Variants in TRIQK observed in about 807,000 individuals in gnomAD.
TRIQK encodes triple QxxK/R motif-containing protein.
In TRIQK, 10 loss-of-function variants were observed where a neutral mutation model predicts 10.8. The ratio of observed to expected loss-of-function variants is 0.92; its 90% CI spans 0.57 to 1.57. The LOEUF is 1.57. Ranked by LOEUF, TRIQK falls within the 40% of genes most tolerant of loss-of-function variation. The pLI, the probability that TRIQK is intolerant of heterozygous loss-of-function variation, is 0.00. For missense variants in TRIQK, 107 were observed against 97.7 expected, an observed-to-expected ratio of 1.09 and a Z score of -0.40; for synonymous variants, 33 against 33.7, an observed-to-expected ratio of 0.98 and a Z score of 0.07.
chr8:92,949,588 G>A (rs865864502), intron 2 of TRIQK, among the ~76,000 whole-genome samples: 20 of 146,778 alleles, frequency 1.4e-4, no homozygotes, highest in Middle Eastern at 3.6e-3. Context: ...GAAAGAGATG[G>A]AAAGAAAGAA....
At chr8:92,925,223 C>T (rs1486366735) in intron 2 of TRIQK, among the ~76,000 whole-genome samples, 1 of 152,074 alleles carries the variant, frequency 6.6e-6, no homozygotes, top group African/African-American at 2.4e-5. Context: ...TATTTAACCC[C>T]TATCTCATAT....
intron 1 of TRIQK, among the ~76,000 whole-genome samples, chr8:93,009,145 A>G (rs1174139179): frequency 6.6e-6 from 1 of 152,248 alleles, no homozygotes; most frequent in Non-Finnish European, 1.5e-5. Flanking sequence ...AAAATAACAA[A>G]TAATCTAATT....
chr8:92,981,532 A>G (rs1033728611), intron 1 of TRIQK, among the ~76,000 whole-genome samples: 3 of 151,648 alleles, frequency 2.0e-5, no homozygotes, highest in Non-Finnish European at 3.0e-5. Context: ...CACCTTATGT[A>G]TTTTGTAACT....
At chr8:93,002,455 C>T (rs1325196354) in intron 1 of TRIQK, among the ~76,000 whole-genome samples, 3 of 151,834 alleles carry the variant, frequency 2.0e-5, no homozygotes, top group Non-Finnish European at 4.4e-5. Context: ...TATGAAGGAT[C>T]GTAAGAGTCT....
In TRIQK at chr8:93,013,167, G is replaced by C. The variant is rs559380171; in HGVS notation, c.-181+4442C>G. ...TCGCTCAATGGTGATTAGACGAGAC[G>C]GCAATGCACAGTCTCCTAAATATTC... On this transcript the variant is annotated intron_variant, in intron 1 of 4. Coordinates refer to the TRIQK transcript ENST00000520686. Among the ~76,000 whole-genome samples the C allele has an allele frequency of 1.2e-3, 180 of 152,198 alleles. 1 individual carries two copies. Among genetic ancestry groups the C allele is most frequent in the African/African-American group, 4.2e-3 (176 of 41,526 alleles).
chr8:92,991,816 C>CA (rs570227996), intron 1 of TRIQK, among the ~76,000 whole-genome samples: 73 of 152,228 alleles, frequency 4.8e-4, no homozygotes, highest in Non-Finnish European at 9.0e-4. Flanking sequence ...TCTCAGGATA[C>CA]AAAATCAGTG....
intron 1 of TRIQK, among the ~76,000 whole-genome samples, chr8:93,006,192 C>T (rs1472447840): frequency 6.6e-6 from 1 of 151,942 alleles, no homozygotes; most frequent in Non-Finnish European, 1.5e-5. Flanking sequence ...CTAGAAACAG[C>T]TGTGGTCAGA....
chr8:92,919,135 T>C (rs1408175544), intron 2 of TRIQK, among the ~76,000 whole-genome samples: 1 of 151,904 alleles, frequency 6.6e-6, no homozygotes, highest in Non-Finnish European at 1.5e-5. Flanking sequence ...ATTTGTAGTA[T>C]AATTTGAAAT....
At chr8:92,912,859 G>T (rs562337036) in intron 3 of TRIQK, among the ~76,000 whole-genome samples, 1 of 151,894 alleles carries the variant, frequency 6.6e-6, no homozygotes, top group South Asian at 2.1e-4. Flanking sequence ...GAAAAGCCCA[G>T]TACTAGATGA....
chr8:92,885,036 T>A lies in TRIQK; in HGVS notation c.*1586A>T. ...GGATTGGTCCGCTGTGGTGAGTATA[T>A]AAGAACTCTTGGTCTGTCTCTTGAG... On this transcript the variant is annotated 3_prime_UTR_variant, in exon 5 of 5. Transcript: ENST00000521988. 2.2e-6 allele frequency: 1 copy of A among 455,802 alleles called. No individual in the cohort carries two copies. The highest frequency in any genetic ancestry group is 1.5e-5 in the South Asian group (1 of 64,526). The allele number at this position is 455,802 out of a possible 1,614,324, so 28.2% of individuals were successfully genotyped here. A position where few individuals can be genotyped will look rare whatever the true frequency, so the allele number is the denominator to read the frequency against.
intron 1 of TRIQK, among the ~76,000 whole-genome samples, chr8:92,988,406 G>A (rs1378929275): frequency 6.6e-6 from 1 of 152,128 alleles, no homozygotes; most frequent in Non-Finnish European, 1.5e-5. Context: ...AGAAAAGTAT[G>A]TATGTTTGTG....
At chr8:92,938,670 C>T (rs1811117973) in intron 2 of TRIQK, among the ~76,000 whole-genome samples, 1 of 152,096 alleles carries the variant, frequency 6.6e-6, no homozygotes, top group Non-Finnish European at 1.5e-5. Context: ...CTAACCGAGG[C>T]ACTGTTGATT....
At chr8:92,985,231 T>C (rs1199204217) in intron 1 of TRIQK, among the ~76,000 whole-genome samples, 1 of 152,226 alleles carries the variant, frequency 6.6e-6, no homozygotes, top group Non-Finnish European at 1.5e-5. Context: ...TGTGTGTGTG[T>C]GTGTGTGTGC....
At chr8:93,002,038 A>G (rs1813216018) in intron 1 of TRIQK, among the ~76,000 whole-genome samples, 2 of 151,808 alleles carry the variant, frequency 1.3e-5, no homozygotes, top group African/African-American at 4.9e-5. Context: ...GAGTCAATGA[A>G]GAAATTCTAA....
intron 1 of TRIQK, among the ~76,000 whole-genome samples, chr8:93,000,740 G>A (rs1404895957): frequency 6.6e-6 from 1 of 152,116 alleles, no homozygotes; most frequent in Non-Finnish European, 1.5e-5. Context: ...GTTGTTATCA[G>A]CTTAATATAG....
At chr8:92,930,530 C>T (rs1810666167) in intron 2 of TRIQK, among the ~76,000 whole-genome samples, 1 of 150,980 alleles carries the variant, frequency 6.6e-6, no homozygotes, top group African/African-American at 2.4e-5. Flanking sequence ...CAAACATCTA[C>T]AATTATGATG....
intron 4 of TRIQK, among the ~76,000 whole-genome samples, chr8:92,891,232 A>T (rs1476926730): frequency 6.6e-6 from 1 of 151,868 alleles, no homozygotes; most frequent in Non-Finnish European, 1.5e-5. Flanking sequence ...AGAAAAATTG[A>T]TTTTTCATCT....
At chr8:92,951,792 G>T (rs1306468277) in intron 2 of TRIQK, among the ~76,000 whole-genome samples, 1 of 152,080 alleles carries the variant, frequency 6.6e-6, no homozygotes, top group East Asian at 1.9e-4. Flanking sequence ...CTGATCTGGG[G>T]AAAGGAAAAC....
intron 1 of TRIQK, among the ~76,000 whole-genome samples, chr8:93,015,252 A>G (rs1238173690): frequency 6.6e-6 from 1 of 151,962 alleles, no homozygotes; most frequent in Admixed American, 6.6e-5. Context: ...AAATTTCTTT[A>G]CATAATTCTA....
Sources: gnomAD v4.1 joint callset for allele counts (sites outside exome capture counted in the v4.1 genomes callset) on GRCh38, gnomAD v4.1.1 for gene constraint, MANE v1.5 for transcripts, NCBI Gene and HGNC (gene_info 2026-07-23, HGNC 2026-07-21) for gene names.